FOXM1: variants seen among roughly 807,000 people sequenced by gnomAD.
The protein encoded by FOXM1 is forkhead box M1.
Under a neutral mutation model 63.6 loss-of-function variants are expected in FOXM1, and 25 were observed. The ratio of observed to expected loss-of-function variants is 0.39; its 90% CI spans 0.29 to 0.55. The LOEUF is 0.55. Among genes scored for constraint, FOXM1 ranks in the 20% least tolerant of loss-of-function variants. The pLI is 0.60. For synonymous variants in FOXM1, 387 were observed against 376.9 expected, an observed-to-expected ratio of 1.03 and a Z score of -0.31; for missense variants, 879 against 958.7, an observed-to-expected ratio of 0.92 and a Z score of 1.10.
At chr12:2,863,252 C>T (rs1045027265) in intron 8 of FOXM1, among the ~76,000 whole-genome samples, 9 of 152,168 alleles carry the variant, frequency 5.9e-5, no homozygotes, top group South Asian at 2.1e-4. Flanking sequence ...CAGCTGTCAA[C>T]GTGAATAGTA....
chr12:2,859,786 A>C (rs924894261), intron 8 of FOXM1, 123 bp from the exon 9 acceptor site: 3 of 708,558 alleles, frequency 4.2e-6, no homozygotes, highest in Non-Finnish European at 6.9e-6. Flanking sequence ...AAATATGAGA[A>C]TACGATGTAT....
In FOXM1 at chr12:2,872,750, T is replaced by G. The variant is rs1053499846; in HGVS notation, c.503-503A>C. Among the ~76,000 whole-genome samples, 1 of 152,142 alleles carries G rather than the reference T, an allele frequency of 6.6e-6. No individual in the cohort carries two copies. Among genetic ancestry groups the G allele is most frequent in the African/African-American group, 2.4e-5 (1 of 41,424 alleles). ...GCATTTCAGGACAAATTTAGGAGCATAGTTCAAATTGCATTTCAAGCTGAG... is the reference window on the plus strand; with the variant it reads ...GCATTTCAGGACAAATTTAGGAGCAGAGTTCAAATTGCATTTCAAGCTGAG... On this transcript the variant is annotated intron_variant, in intron 2 of 8. Transcript: ENST00000359843. This position sits in a 1 kb window ranked among gnomAD's most constrained non-coding sequence, Gnocchi z 4.0.
Position 2,874,042 on chromosome 12 carries a change from G to C in FOXM1, c.437C>G (p.Ala146Gly), listed in dbSNP as rs1431153104. 6.2e-7 allele frequency: 1 copy of C among 1,614,138 alleles called. No homozygotes were observed. Among genetic ancestry groups the C allele is most frequent in the Admixed American group, 1.7e-5 (1 of 59,982 alleles). ...VTLETLGPKP[A>G]ARDVNLPRPP... The stretch of plus-strand genomic sequence containing the variant: ...TCTAGGAAGATTCACATCCCTAGCT[G>C]CAGGTTTTGGTCCCAAGGTCTCCAG... The change falls in exon 2 of 9, where the codon GCA (alanine) becomes GGA (glycine). Residue 146 changes from alanine (A) to glycine (G), a missense_variant. By Grantham distance (60) the Ala-to-Gly change is moderately conservative (BLOSUM62 0). Transcript: ENST00000359843. The surrounding 1 kb of genome is among the most constrained non-coding windows in gnomAD (Gnocchi z 4.3).
intron 2 of FOXM1, 95 bp downstream of exon 2, chr12:2,873,882 G>A (rs1439082509): frequency 7.2e-7 from 1 of 1,391,408 alleles, no homozygotes. Flanking sequence ...TCGGCCAGAA[G>A]CCTGACTGTT....
rs2098137842 is a variant in FOXM1 at position 2,874,069 on chromosome 12, G to A, written c.410C>T (p.Thr137Ile). The A allele has an allele frequency of 2.5e-6, 4 of 1,614,124 alleles. No individual in the cohort carries two copies. The highest frequency in any genetic ancestry group is 2.2e-5 in the East Asian group (1 of 44,874). Residue 137 changes from threonine to isoleucine, a missense_variant, in exon 2 of 9, where the codon ACC becomes ATC. Physicochemically the swap from Thr to Ile is moderately conservative, Grantham distance 89. Transcript: ENST00000359843. This position sits in a 1 kb window ranked among gnomAD's most constrained non-coding sequence, Gnocchi z 4.3. ...AGGTTTTGGTCCCAAGGTCTCCAGG[G>A]TCACTTCTGTCCTTTTGGCATCATA... ...TSYDAKRTEV[T>I]LETLGPKPAA...
intron 8 of FOXM1, among the ~76,000 whole-genome samples, chr12:2,861,830 T>C (rs977191628): frequency 3.3e-5 from 5 of 152,258 alleles, no homozygotes; most frequent in Non-Finnish European, 7.4e-5. Context: ...TAAAAAATAA[T>C]GAATTAGGAC....
Position 2,859,132 on chromosome 12 carries a change from T to C in FOXM1, c.1798A>G (p.Thr600Ala). The change falls in exon 9 of 9, where the codon ACA becomes GCA. Residue 600 changes from threonine (T) to alanine (A), a missense_variant. Transcript: ENST00000359843. ...ATGGGCAGCGTTTCCTTAATGGGTGTCTTAAAAGGTCCTCCCACTTCCTGG... is the reference window on the plus strand; with the variant it reads ...ATGGGCAGCGTTTCCTTAATGGGTGCCTTAAAAGGTCCTCCCACTTCCTGG... ...YSQEVGGPFK[T>A]PIKETLPISS... is the part of the protein sequence containing the mutation. The C allele has an allele frequency of 6.2e-7, 1 of 1,605,292 alleles. No homozygotes were observed. The highest frequency in any genetic ancestry group is 8.5e-7 in the Non-Finnish European group (1 of 1,176,282).
intron 4 of FOXM1, among the ~76,000 whole-genome samples, chr12:2,867,523 G>A (rs894298166): frequency 5.3e-5 from 8 of 151,894 alleles, no homozygotes; most frequent in South Asian, 2.1e-4. Context: ...TTAGCCAGGC[G>A]TAGTGGCGGG....
Position 2,864,558 on chromosome 12 carries a change from G to A in FOXM1, c.1091-63C>T. ...GGAGTACACCCCTTCTCAGCCCCAGGAGCTTTGCTCTCCTTCTCTGGGCTC... is the reference window on the plus strand; with the variant it reads ...GGAGTACACCCCTTCTCAGCCCCAGAAGCTTTGCTCTCCTTCTCTGGGCTC... On this transcript the variant is annotated intron_variant, in intron 7 of 8. Transcript: ENST00000359843. This position sits in a 1 kb window ranked among gnomAD's most constrained non-coding sequence, Gnocchi z 5.1. 3 of 1,586,562 alleles carry A rather than the reference G, an allele frequency of 1.9e-6. No individual in the cohort carries two copies. The highest frequency in any genetic ancestry group is 1.3e-5 in the African/African-American group (1 of 74,258).
At chr12:2,868,315 T>C (rs928467618) in intron 4 of FOXM1, 17 of 347,730 alleles carry the variant, frequency 4.9e-5, no homozygotes, top group Middle Eastern at 7.5e-4. Context: ...AGCAGAAAAG[T>C]GGGCTTGAGT....
chr12:2,871,596 G>A (rs529538260), intron 3 of FOXM1, among the ~76,000 whole-genome samples: 2 of 151,918 alleles, frequency 1.3e-5, no homozygotes, highest in East Asian at 3.9e-4. Flanking sequence ...AGGCTGCAGA[G>A]AGCCATGACT....
At position 2,868,450 on chromosome 12, in the gene FOXM1, CA is replaced by C. The variant is rs1285602515; in HGVS notation, c.846+112del. 7.1e-6 allele frequency: 5 copies of C among 706,822 alleles called. No homozygotes were observed. The African/African-American group carries it at 9.1e-5, about 13-fold the overall frequency. 43.8% of individuals were successfully genotyped at this position (706,822 alleles called of 1,614,324 possible). ...CAATCTAAAAGATACATTTGTTTAT[CA>C]TTCTAGTGTCCTTTGCACTTAACTG... On this transcript the variant is annotated intron_variant, in intron 4 of 8. Transcript: ENST00000359843.
At chr12:2,869,109 A>G (rs1462454178) in intron 3 of FOXM1, among the ~76,000 whole-genome samples, 3 of 152,200 alleles carry the variant, frequency 2.0e-5, no homozygotes, top group Non-Finnish European at 4.4e-5. Flanking sequence ...TTTTGGGTCT[A>G]GAAACCTAGG....
At chr12:2,865,715 C>T (rs2098122047) in intron 5 of FOXM1, among the ~76,000 whole-genome samples, 2 of 128,996 alleles carry the variant, frequency 1.6e-5, no homozygotes, top group Admixed American at 9.7e-5. Flanking sequence ...TGCAATGGTG[C>T]GATTTCAGCT....
In FOXM1 at chr12:2,864,869, G is replaced by T; in HGVS notation, c.1021-117C>A. ...GTGTGCTTGAGTTAATGACAGCCCA[G>T]AGAGAGGAGGCCAACCTGAGGGGAT... is the stretch of plus-strand genomic sequence containing the variant. On this transcript the variant is annotated intron_variant, in intron 6 of 8. Transcript: ENST00000359843. The surrounding 1 kb of genome is among the most constrained non-coding windows in gnomAD (Gnocchi z 5.1). 8.6e-7 allele frequency: 1 copy of T among 1,158,890 alleles called. No individual in the cohort carries two copies. The allele number at this position is 1,158,890 out of a possible 1,614,324, so 71.8% of individuals were successfully genotyped here. A position where few individuals can be genotyped will look rare whatever the true frequency, so the allele number is the denominator to read the frequency against.
At chr12:2,863,252 C>A (rs1045027265) in intron 8 of FOXM1, among the ~76,000 whole-genome samples, 2 of 152,168 alleles carry the variant, frequency 1.3e-5, no homozygotes, top group African/African-American at 4.8e-5. Flanking sequence ...CAGCTGTCAA[C>A]GTGAATAGTA....
At position 2,874,296 on chromosome 12, in the gene FOXM1, C is replaced by T. The variant is rs2098138231; in HGVS notation, c.183G>A (p.Gly61=). 3 of 1,614,000 alleles carry T rather than the reference C, an allele frequency of 1.9e-6. No individual in the cohort carries two copies. Among genetic ancestry groups the T allele is most frequent in the Non-Finnish European group, 2.5e-6 (3 of 1,180,046 alleles). The change falls in exon 2 of 9, where the codon GGG becomes GGA. Residue 61 remains glycine (G), a synonymous_variant. Transcript: ENST00000359843. The surrounding 1 kb of genome is among the most constrained non-coding windows in gnomAD (Gnocchi z 4.3). The stretch of plus-strand genomic sequence containing the variant: ...TGGTGGGGTGGTTAATAATCTTGAT[C>T]CCAGCTGGAAACTTGCAAGAGTTGG... ...AESNSCKFPA[G]IKIINHPTMP...
rs1241275061 is a variant in FOXM1 at position 2,870,373 on chromosome 12, G to T, written c.655-1619C>A. Among the ~76,000 whole-genome samples, 109 of 152,206 alleles carry T rather than the reference G, an allele frequency of 7.2e-4. 2 individuals are homozygous for T. Among genetic ancestry groups the T allele is most frequent in the Admixed American group, 6.9e-3 (106 of 15,276 alleles). On this transcript the variant is annotated intron_variant, in intron 3 of 8. Coordinates refer to ENST00000359843, the MANE Select transcript of FOXM1 (RefSeq NM_021953.4). ...AAATATTGCATGTTCTCACTTATAAGTAGGAACTAGGCTGGGTACGGTGGC... is the reference window on the plus strand; with the variant it reads ...AAATATTGCATGTTCTCACTTATAATTAGGAACTAGGCTGGGTACGGTGGC...
In FOXM1 at chr12:2,877,072, G is replaced by GA. The variant is rs1168235885; in HGVS notation, c.-201dup. The GA allele has an allele frequency of 2.0e-5, 3 of 152,054 alleles. No individual in the cohort carries two copies. In the East Asian group the frequency reaches 5.8e-4, roughly 29 times the overall value. The allele number at this position is 152,054 out of a possible 1,614,324, so 9.4% of individuals were successfully genotyped here. Reference sequence around the variant, plus strand: ...TGCGGGCGGGGTGGGAACCCCGGGGGATCCCGGGAGGGGAGGGGGTCCCGG... The same window carrying GA: ...TGCGGGCGGGGTGGGAACCCCGGGGGAATCCCGGGAGGGGAGGGGGTCCCGG... On this transcript the variant is annotated 5_prime_UTR_variant, in exon 1 of 9. Transcript: ENST00000359843.
Sources: gnomAD v4.1 joint callset for allele counts (sites outside exome capture counted in the v4.1 genomes callset) on GRCh38, gnomAD v4.1.1 for gene constraint, Gnocchi (gnomAD v3.1) non-coding constraint, MANE v1.5 for transcripts, NCBI Gene and HGNC (gene_info 2026-07-23, HGNC 2026-07-21) for gene names.